Variants in NPAS2 observed in about 807,000 individuals in gnomAD.
NPAS2 encodes the protein neuronal PAS domain protein 2, also known as neuronal PAS domain-containing protein 2.
NPAS2 carries 23 observed loss-of-function variants against 107.5 expected under a neutral mutation model. The ratio of observed to expected loss-of-function variants is 0.21; its 90% CI spans 0.15 to 0.30. The LOEUF is 0.30. Ranked by LOEUF, NPAS2 falls within the 10% of genes least tolerant of loss-of-function variation. The probability of loss-of-function intolerance (pLI) is 1.00; values close to 1 mark genes in which losing one functional copy is unlikely to be tolerated. For synonymous variants in NPAS2, 403 were observed against 417.5 expected, an observed-to-expected ratio of 0.97 and a Z score of 0.42; for missense variants, 756 against 1,043.3, an observed-to-expected ratio of 0.72 and a Z score of 3.79.
At chr2:100,837,736 GATTGGTC>G (rs779715975) in intron 1 of NPAS2, among the ~76,000 whole-genome samples, 23 of 152,204 alleles carry the variant, frequency 1.5e-4, no homozygotes, top group Non-Finnish European at 3.1e-4. Flanking sequence ...GTTTTCCTCA[GATTGGTC>G]TTTTTGCCCT....
intron 13 of NPAS2, 138 bp from the exon 14 acceptor site, chr2:100,975,320 C>A (rs1448916174): frequency 9.1e-6 from 7 of 770,338 alleles, no homozygotes; most frequent in Non-Finnish European, 1.5e-5. Flanking sequence ...TTCAGCTCAA[C>A]CCTGCATGGT....
chr2:100,953,210 A>C (rs1264397333), intron 7 of NPAS2, among the ~76,000 whole-genome samples: 1 of 151,894 alleles, frequency 6.6e-6, no homozygotes, highest in Non-Finnish European at 1.5e-5. Context: ...CCCCATCTCT[A>C]CTAAAAATAC....
At position 100,995,940 on chromosome 2, in the gene NPAS2, A is replaced by T; in HGVS notation, c.*358A>T. The T allele has an allele frequency of 7.2e-7, 1 of 1,381,592 alleles. No individual in the cohort carries two copies. The highest frequency in any genetic ancestry group is 9.5e-7 in the Non-Finnish European group (1 of 1,048,142). 85.6% of individuals were successfully genotyped at this position (1,381,592 alleles called of 1,614,324 possible). A position where few individuals can be genotyped will look rare whatever the true frequency, so the allele number is the denominator to read the frequency against. The stretch of plus-strand genomic sequence containing the variant: ...TGCTCTAGCCACCTGCGGCCCGCCC[A>T]TCTGCGCTAGCTGGCCTTCACGCTC... On this transcript the variant is annotated 3_prime_UTR_variant, in exon 21 of 21. Transcript: ENST00000335681.
chr2:100,982,725 T>G, intron 16 of NPAS2: 1 of 236,912 alleles, frequency 4.2e-6, no homozygotes. Flanking sequence ...CCTCTATAAC[T>G]TTGCTTTCCT....
chr2:100,861,460 C>G (rs1678936097), intron 1 of NPAS2, among the ~76,000 whole-genome samples: 3 of 151,886 alleles, frequency 2.0e-5, no homozygotes, highest in Non-Finnish European at 4.4e-5. Flanking sequence ...CAGAGGTGTC[C>G]TTTTCTGACA....
chr2:100,906,252 G>A (rs1682139853), intron 2 of NPAS2, among the ~76,000 whole-genome samples: 1 of 152,180 alleles, frequency 6.6e-6, no homozygotes, highest in Non-Finnish European at 1.5e-5. Context: ...AAATCCACTT[G>A]GGTTCCAAGC....
Position 100,964,129 on chromosome 2 carries a change from G to A in NPAS2, c.670G>A (p.Val224Ile). Residue 224 changes from valine to isoleucine, a missense_variant, in exon 8 of 21, where the codon GTT (valine) becomes ATT (isoleucine). Physicochemically the swap from Val to Ile is conservative, Grantham distance 29. Around this residue, in one of 4 missense-constraint regions of NPAS2, gnomAD observed 84 missense variants for 175.5 expected, o/e 0.48. Transcript: ENST00000335681. ...RPCRVPLGKE[V>I]CFIATVRLAT... ...TTGCCGGGTGCCACTAGGAAAGGAG[G>A]TTTGCTTCATTGCCACCGTTCGTCT... 1.2e-6 allele frequency: 2 copies of A among 1,614,112 alleles called. No individual in the cohort carries two copies. Among genetic ancestry groups the A allele is most frequent in the Non-Finnish European group, 1.7e-6 (2 of 1,179,996 alleles).
chr2:100,929,196 C>T (rs1683781163), intron 3 of NPAS2, among the ~76,000 whole-genome samples: 1 of 152,196 alleles, frequency 6.6e-6, no homozygotes, highest in Admixed American at 6.5e-5. Flanking sequence ...TGAGCCACTG[C>T]ACCCGGCCCA....
chr2:100,964,102 C>A lies in NPAS2; in HGVS notation c.643C>A (p.Pro215Thr). The change falls in exon 8 of 21, where the codon CCT (proline) becomes ACT (threonine). Residue 215 changes from proline to threonine, a missense_variant. Physicochemically the swap from Pro to Thr is conservative, Grantham distance 38 (BLOSUM62 -1). Coordinates refer to ENST00000335681, the MANE Select transcript of NPAS2 (RefSeq NM_002518.4). ...CNGFDNTLSR[P>T]CRVPLGKEVC... is the part of the protein sequence containing the mutation. ...TGGTTTTGACAACACCCTTTCAAGA[C>A]CTTGCCGGGTGCCACTAGGAAAGGA... is the stretch of plus-strand genomic sequence containing the variant. 2 of 1,614,130 alleles carry A rather than the reference C, an allele frequency of 1.2e-6. No individual in the cohort carries two copies. Among genetic ancestry groups the A allele is most frequent in the South Asian group, 1.1e-5 (1 of 91,084 alleles).
chr2:100,950,714 G>T (rs999465823), intron 7 of NPAS2, among the ~76,000 whole-genome samples: 1 of 152,300 alleles, frequency 6.6e-6, no homozygotes, highest in Non-Finnish European at 1.5e-5. Flanking sequence ...TGGGCTCCTT[G>T]GCTGACTGGG....
At chr2:100,845,165 T>C (rs527593834) in intron 1 of NPAS2, among the ~76,000 whole-genome samples, 1 of 152,174 alleles carries the variant, frequency 6.6e-6, no homozygotes, top group Admixed American at 6.5e-5. Flanking sequence ...CTCTCTCTGG[T>C]TGGTTCTAAG....
intron 11 of NPAS2, among the ~76,000 whole-genome samples, chr2:100,969,240 A>G (rs1244955110): frequency 6.6e-6 from 1 of 151,178 alleles, no homozygotes; most frequent in African/African-American, 2.4e-5. Flanking sequence ...GGTTTGTTAC[A>G]TAGGTATATA....
At chr2:100,926,831 C>T (rs1026598548) in intron 3 of NPAS2, among the ~76,000 whole-genome samples, 1 of 151,870 alleles carries the variant, frequency 6.6e-6, no homozygotes, top group Non-Finnish European at 1.5e-5. Flanking sequence ...CTTTTGACTA[C>T]TTGTGCTTGA....
At chr2:100,907,827 T>C (rs1412777674) in intron 2 of NPAS2, among the ~76,000 whole-genome samples, 2 of 152,192 alleles carry the variant, frequency 1.3e-5, no homozygotes, top group Non-Finnish European at 2.9e-5. Context: ...GGAGTATTAA[T>C]TGAGTGTCTA....
At chr2:100,983,678 C>T (rs967304299) in intron 16 of NPAS2, 3 of 152,284 alleles carry the variant, frequency 2.0e-5, no homozygotes, top group Admixed American at 6.5e-5. Flanking sequence ...CTCAGTGCAC[C>T]CTTAAATTGA....
chr2:100,903,181 G>T (rs570162569), intron 1 of NPAS2, among the ~76,000 whole-genome samples: 1 of 152,310 alleles, frequency 6.6e-6, no homozygotes, highest in East Asian at 1.9e-4. Context: ...GCGTGGCCGG[G>T]TCCTTGCTCA....
chr2:100,862,317 T>G (rs1248943362), intron 1 of NPAS2, among the ~76,000 whole-genome samples: 1 of 152,214 alleles, frequency 6.6e-6, no homozygotes, highest in Non-Finnish European at 1.5e-5. Flanking sequence ...TGTTGTTTGT[T>G]TTGGCATTTT....
In NPAS2 at chr2:100,968,218, T is replaced by C. The variant is rs189535986; in HGVS notation, c.908-63T>C. On this transcript the variant is annotated intron_variant, in intron 10 of 20. Coordinates refer to ENST00000335681, the MANE Select transcript of NPAS2 (RefSeq NM_002518.4). This position sits in a 1 kb window ranked among gnomAD's most constrained non-coding sequence, Gnocchi z 5.3. ...TGAAAGCTTATCTTTACAATAACTC[T>C]TGGGGAAAAGATCATTTTCATATTA... The C allele has an allele frequency of 6.1e-3, 9,373 of 1,539,186 alleles. 62 individuals carry two copies. Among genetic ancestry groups the C allele is most frequent in the Non-Finnish European group, 6.3e-3 (7,080 of 1,117,406 alleles).
intron 17 of NPAS2, chr2:100,989,715 C>T (rs1371458862): frequency 6.6e-6 from 1 of 152,334 alleles, no homozygotes. Flanking sequence ...AATTTCTGTT[C>T]CAAGTGAGGA....
Sources: allele counts gnomAD v4.1 joint callset (sites outside exome capture counted in the v4.1 genomes callset), GRCh38; gene constraint gnomAD v4.1.1; regional missense constraint gnomAD v4.1.1; non-coding constraint Gnocchi (gnomAD v3.1); transcripts MANE v1.5; gene names NCBI Gene and HGNC (gene_info 2026-07-23, HGNC 2026-07-21).